The following PEBP4 variants were observed in gnomAD, a reference collection of about 807,000 sequenced individuals.
PEBP4 encodes the protein phosphatidylethanolamine-binding protein 4.
A neutral mutation model predicts 23.9 loss-of-function variants in PEBP4; 22 were observed. The ratio of observed to expected loss-of-function variants is 0.92; its 90% confidence interval spans 0.66 to 1.31. The LOEUF (loss-of-function observed/expected upper bound fraction) is 1.31, where lower values mean the gene tolerates loss of function less well. Ranked by LOEUF, PEBP4 falls within the 40% of genes most tolerant of loss-of-function variation. The pLI is 0.00. For synonymous variants in PEBP4, 112 were observed against 99.3 expected (o/e 1.13, Z -0.76); for missense variants, 324 against 281.7 (o/e 1.15, Z -1.07).
At chr8:22,731,850 T>A (rs1804745006) in intron 4 of PEBP4, among the ~76,000 whole-genome samples, 1 of 151,256 alleles carries the variant, frequency 6.6e-6, no homozygotes, top group South Asian at 2.1e-4. Flanking sequence ...TTAATTTTTT[T>A]ATTTTTAGTA....
chr8:22,790,429 G>A (rs1378472499), intron 4 of PEBP4, among the ~76,000 whole-genome samples: 3 of 152,308 alleles, frequency 2.0e-5, no homozygotes, highest in South Asian at 2.1e-4. Flanking sequence ...TGCTTACATC[G>A]GTGGGATTTG....
chr8:22,913,607 C>T (rs1251113648), intron 3 of PEBP4, among the ~76,000 whole-genome samples: 1 of 152,086 alleles, frequency 6.6e-6, no homozygotes, highest in Non-Finnish European at 1.5e-5. Context: ...CCCTCAGAAG[C>T]ATCTCCGGCA....
At chr8:22,780,219 C>T (rs1326734603) in intron 4 of PEBP4, among the ~76,000 whole-genome samples, 1 of 152,160 alleles carries the variant, frequency 6.6e-6, no homozygotes, top group Non-Finnish European at 1.5e-5. Flanking sequence ...CCACCTTGGC[C>T]TCCCAAAGTG....
At chr8:22,864,461 T>C (rs979066459) in intron 3 of PEBP4, among the ~76,000 whole-genome samples, 2 of 152,134 alleles carry the variant, frequency 1.3e-5, no homozygotes, top group African/African-American at 4.8e-5. Flanking sequence ...GAGAAGGCTC[T>C]GGTGAAGATA....
At chr8:22,716,961 C>T (rs1804430567) in intron 6 of PEBP4, among the ~76,000 whole-genome samples, 1 of 152,254 alleles carries the variant, frequency 6.6e-6, no homozygotes, top group Non-Finnish European at 1.5e-5. Flanking sequence ...TAATCACAGT[C>T]TGGTCCTTCA....
At chr8:22,929,199 C>G (rs1024081225), upstream of PEBP4, among the ~76,000 whole-genome samples, 3 of 152,222 alleles carry the variant, frequency 2.0e-5, no homozygotes, top group Non-Finnish European at 4.4e-5. Flanking sequence ...TCTCACGGAT[C>G]CATCCATTCA....
intron 3 of PEBP4, among the ~76,000 whole-genome samples, chr8:22,844,266 T>C (rs1164726493): frequency 6.6e-6 from 1 of 151,972 alleles, no homozygotes; most frequent in Non-Finnish European, 1.5e-5. Flanking sequence ...TGAGACAGAG[T>C]TTCACTTTTG....
At chr8:22,799,441 C>T (rs73553854) in intron 4 of PEBP4, among the ~76,000 whole-genome samples, 38,265 of 152,116 alleles carry the variant, frequency 0.25, 5,233 homozygotes, top group African/African-American at 0.33. Flanking sequence ...GAAGATAATT[C>T]GGGAGCTGGG....
At chr8:22,728,613 C>CCTTCCTTCCCT (rs1563196431) in intron 4 of PEBP4, among the ~76,000 whole-genome samples, 17 of 100,994 alleles carry the variant, frequency 1.7e-4, no homozygotes, top group African/African-American at 7.6e-4. Flanking sequence ...CCTTCCTTCC[C>CCTTCCTTCCCT]TTTTTTTGGA....
At chr8:22,777,139 C>T (rs1805829765) in intron 4 of PEBP4, among the ~76,000 whole-genome samples, 1 of 152,074 alleles carries the variant, frequency 6.6e-6, no homozygotes, top group Non-Finnish European at 1.5e-5. Flanking sequence ...CAGCACTGAT[C>T]TGCTCATGAG....
At chr8:22,744,352 A>T (rs1473806377) in intron 4 of PEBP4, among the ~76,000 whole-genome samples, 1 of 152,194 alleles carries the variant, frequency 6.6e-6, no homozygotes, top group African/African-American at 2.4e-5. Context: ...AGAACTGCCT[A>T]ACTGTGGTCT....
upstream of PEBP4, among the ~76,000 whole-genome samples, chr8:22,928,501 C>A (rs1809401333): frequency 4.6e-5 from 7 of 152,286 alleles, no homozygotes. Context: ...GGGTGGCCTG[C>A]CCCAGCAGTG....
intron 3 of PEBP4, among the ~76,000 whole-genome samples, chr8:22,901,245 T>G (rs1249219480): frequency 3.3e-5 from 5 of 152,148 alleles, no homozygotes; most frequent in African/African-American, 1.2e-4. Context: ...CACTGAAGAC[T>G]TGTAGGCAGC....
intron 4 of PEBP4, among the ~76,000 whole-genome samples, chr8:22,736,556 A>G (rs1227178573): frequency 6.6e-6 from 1 of 152,184 alleles, no homozygotes; most frequent in East Asian, 1.9e-4. Flanking sequence ...AGTGAGCTAT[A>G]TTGTTGCACC....
chr8:22,898,642 C>A (rs973955886), intron 3 of PEBP4, among the ~76,000 whole-genome samples: 1 of 152,182 alleles, frequency 6.6e-6, no homozygotes, highest in Non-Finnish European at 1.5e-5. Context: ...GCCCTGCACA[C>A]CCAAGTGAAA....
chr8:22,860,055 G>C, intron 3 of PEBP4, among the ~76,000 whole-genome samples: 1 of 146,866 alleles, frequency 6.8e-6, no homozygotes, highest in African/African-American at 2.5e-5. Flanking sequence ...AGTCAAGGCT[G>C]CAAATGAGCT....
chr8:22,778,592 G>A (rs566479972), intron 4 of PEBP4, among the ~76,000 whole-genome samples: 25 of 152,220 alleles, frequency 1.6e-4, no homozygotes, highest in African/African-American at 6.0e-4. Context: ...TGTTGTCCCT[G>A]TTTCCCTCGC....
chr8:22,922,315 T>C (rs1809220351), intron 2 of PEBP4, among the ~76,000 whole-genome samples: 1 of 152,104 alleles, frequency 6.6e-6, no homozygotes, highest in South Asian at 2.1e-4. Flanking sequence ...GATCTGCAGA[T>C]GGCACAGAGC....
At chr8:22,927,796 C>A (rs1043098115) in intron 1 of PEBP4, 27 bp downstream of exon 1, 1 of 1,576,750 alleles carries the variant, frequency 6.3e-7, no homozygotes, top group Non-Finnish European at 8.6e-7. Flanking sequence ...CCCCCGACCC[C>A]AGGGGCCCAC....
Sources: gnomAD v4.1 joint callset for allele counts (sites outside exome capture counted in the v4.1 genomes callset) on GRCh38, gnomAD v4.1.1 for gene constraint, MANE v1.5 for transcripts, NCBI Gene and HGNC (gene_info 2026-07-23, HGNC 2026-07-21) for gene names.